Variants in PCNX3 observed in about 807,000 individuals in gnomAD.
The protein encoded by PCNX3 is pecanex 3.
PCNX3 carries 58 observed loss-of-function variants against 207.2 expected under a neutral mutation model. The ratio of observed to expected loss-of-function variants is 0.28; its 90% CI spans 0.23 to 0.35. PCNX3 has a LOEUF of 0.35. Ranked by LOEUF, PCNX3 falls within the 10% of genes least tolerant of loss-of-function variation. The pLI is 1.00. For missense variants in PCNX3, 2,410 were observed against 2,774.4 expected (o/e 0.87, Z 2.95); for synonymous variants, 1,337 against 1,183.5 (o/e 1.13, Z -2.66).
In PCNX3 at chr11:65,626,066, C is replaced by T; in HGVS notation, c.3379+12C>T. The T allele has an allele frequency of 6.3e-7, 1 of 1,589,598 alleles. No homozygotes were observed. The highest frequency in any genetic ancestry group is 8.6e-7 in the Non-Finnish European group (1 of 1,169,494). On this transcript the variant is annotated intron_variant, in intron 20 of 34. Transcript: ENST00000355703. ...GTATGAAGTGCGCGGTGAGTGCCCA[C>T]CCCTGATGGCCAGGCCTGGGCAGTG...
intron 1 of PCNX3, among the ~76,000 whole-genome samples, 178 bp from the exon 2 acceptor site, chr11:65,616,646 T>A (rs1170926163): frequency 1.3e-5 from 2 of 152,160 alleles, no homozygotes; most frequent in African/African-American, 4.8e-5. Context: ...ACCCTACACT[T>A]AATCTCATCC....
rs767457908 is a variant in PCNX3, at chr11:65,635,241, A to G, written c.4977A>G (p.Glu1659=). The part of the protein sequence containing the change: ...LHQDHFTSPD[E]YEEPAALYDA... The stretch of plus-strand genomic sequence containing the variant: ...AGGACCACTTCACGTCCCCAGATGA[A>G]TATGAGGAGCCAGCAGCCCTATACG... Residue 1659 remains glutamate, a synonymous_variant, in exon 31 of 35, where the codon GAA becomes GAG. Coordinates refer to ENST00000355703, the MANE Select transcript of PCNX3 (RefSeq NM_032223.4). The surrounding 1 kb of genome is among the most constrained non-coding windows in gnomAD (Gnocchi z 9.9). 3.2e-6 allele frequency: 5 copies of G among 1,586,716 alleles called. No homozygotes were observed. In the African/African-American group the frequency reaches 6.7e-5, roughly 21 times the overall value.
At position 65,625,482 on chromosome 11, in the gene PCNX3, C is replaced by T. The variant is rs563504559; in HGVS notation, c.3107C>T (p.Pro1036Leu). ...LETARAEPPD[P>L]LPDKMRQSVR... ...ACAGCCCGGGCCGAGCCCCCGGACC[C>T]CTTGCCGGACAAGATGCGCCAGTCG... The change falls in exon 18 of 35, where the codon CCC becomes CTC. Residue 1036 changes from proline to leucine, a missense_variant. Pro to Leu is a moderately conservative substitution (Grantham distance 98, BLOSUM62 -3). Coordinates refer to ENST00000355703, the MANE Select transcript of PCNX3 (RefSeq NM_032223.4). The surrounding 1 kb of genome is among the most constrained non-coding windows in gnomAD (Gnocchi z 5.6). The T allele has an allele frequency of 6.2e-5, 99 of 1,605,182 alleles. No homozygotes were observed. The highest frequency in any genetic ancestry group is 8.3e-5 in the Non-Finnish European group (98 of 1,178,984).
At chr11:65,634,726 G>A (rs1565172454) in intron 29 of PCNX3, 85 bp downstream of exon 29, 3 of 1,359,842 alleles carry the variant, frequency 2.2e-6, no homozygotes, top group East Asian at 5.0e-5. Context: ...TGGCCACAGT[G>A]GCCACAGAAA....
Position 65,618,834 on chromosome 11 carries a change from C to T in PCNX3, c.1472C>T (p.Thr491Met), listed in dbSNP as rs757197363. 220 of 1,610,940 alleles carry T rather than the reference C, an allele frequency of 1.4e-4. No individual in the cohort carries two copies. The highest frequency in any genetic ancestry group is 1.7e-4 in the Non-Finnish European group (201 of 1,179,208). Residue 491 changes from threonine (T) to methionine (M), a missense_variant, in exon 6 of 35, where the codon ACG becomes ATG. This residue lies in a region of PCNX3 where 1,104 missense variants were observed against 970.3 expected (regional missense o/e 1.14). Coordinates refer to ENST00000355703, the MANE Select transcript of PCNX3 (RefSeq NM_032223.4). ...AAGCGGCCATATGGGACCCAGCGGA[C>T]GCCTAGTACCGCCAGCGCTAAAACA... is the stretch of plus-strand genomic sequence containing the variant. ...PPKRPYGTQR[T>M]PSTASAKTHA...
Position 65,618,872 on chromosome 11 carries a change from C to T in PCNX3, c.1510C>T (p.Leu504=). 1 of 1,610,814 alleles carries T rather than the reference C, an allele frequency of 6.2e-7. No individual in the cohort carries two copies. Among genetic ancestry groups the T allele is most frequent in the Non-Finnish European group, 8.5e-7 (1 of 1,179,106 alleles). The change falls in exon 6 of 35, where the codon CTG becomes TTG. Residue 504 remains leucine, a synonymous_variant. Coordinates refer to ENST00000355703, the MANE Select transcript of PCNX3 (RefSeq NM_032223.4). The part of the protein sequence containing the change: ...TASAKTHARV[L]SMDGAGGDVL... ...CAGCGCTAAAACACATGCCCGTGTGCTGAGCATGGATGGGGCTGGGGGTGA... is the reference window on the plus strand; with the variant it reads ...CAGCGCTAAAACACATGCCCGTGTGTTGAGCATGGATGGGGCTGGGGGTGA...
chr11:65,627,308 G>C, intron 21 of PCNX3, 97 bp from the exon 22 acceptor site: 2 of 1,356,578 alleles, frequency 1.5e-6, no homozygotes, highest in Non-Finnish European at 2.0e-6. Context: ...GCAGAGGCCA[G>C]GGGTTGCTCT....
chr11:65,622,183 G>A lies in PCNX3; in HGVS notation c.2236-62G>A, dbSNP rs1450048531. The A allele has an allele frequency of 1.4e-5, 22 of 1,541,648 alleles. No homozygotes were observed. The African/African-American group carries it at 1.9e-4, about 13-fold the overall frequency. ...CCATGTGGGGGGTGGCGGGGCTGAC[G>A]GCCGCGGCTGTGGGGACTGCAGTTT... On this transcript the variant is annotated intron_variant, in intron 10 of 34. Transcript: ENST00000355703.
Position 65,635,461 on chromosome 11 carries a change from C to G in PCNX3, c.5184+13C>G. 1.2e-6 allele frequency: 2 copies of G among 1,608,438 alleles called. No individual in the cohort carries two copies. The highest frequency in any genetic ancestry group is 1.7e-6 in the Non-Finnish European group (2 of 1,178,698). ...CCGAGTCATCAAGGTTGGGCCGGCCCCACCTGCCCTAAGCCCTGCCCCAAA... is the reference window on the plus strand; with the variant it reads ...CCGAGTCATCAAGGTTGGGCCGGCCGCACCTGCCCTAAGCCCTGCCCCAAA... On this transcript the variant is annotated intron_variant, in intron 31 of 34. Coordinates refer to ENST00000355703, the MANE Select transcript of PCNX3 (RefSeq NM_032223.4). This position sits in a 1 kb window ranked among gnomAD's most constrained non-coding sequence, Gnocchi z 9.9.
chr11:65,630,266 T>A, intron 26 of PCNX3, 85 bp from the exon 27 acceptor site: 2 of 1,509,062 alleles, frequency 1.3e-6, no homozygotes, highest in Admixed American at 4.0e-5. Context: ...GCAGCAGGCC[T>A]CTGATGCCAT....
chr11:65,619,976 C>T (rs370346327), intron 8 of PCNX3, 44 bp downstream of exon 8: 13 of 1,541,376 alleles, frequency 8.4e-6, no homozygotes, highest in East Asian at 4.6e-5. Flanking sequence ...TCCCCGCCTT[C>T]CCCCAACAGC....
At chr11:65,616,538 C>T in intron 1 of PCNX3, 74 bp downstream of exon 1, 1 of 1,479,318 alleles carries the variant, frequency 6.8e-7, no homozygotes, top group Non-Finnish European at 9.1e-7. Context: ...GGGCAGTGCC[C>T]TGGGCTCTGG....
rs1335993947 is a variant in PCNX3, at chr11:65,626,885, T to G, written c.3380-19T>G. 6.3e-7 allele frequency: 1 copy of G among 1,575,602 alleles called. No individual in the cohort carries two copies. The highest frequency in any genetic ancestry group is 1.4e-5 in the African/African-American group (1 of 74,008). On this transcript the variant is annotated intron_variant, in intron 20 of 34. Coordinates refer to ENST00000355703, the MANE Select transcript of PCNX3 (RefSeq NM_032223.4). ...AGGCATGTGGAAGCCAGGTGCAGAG[T>G]CCTGGCCTCTCCACACAGGTGCCGC...
At chr11:65,619,414 C>T (rs1336161081) in intron 6 of PCNX3, 123 bp from the exon 7 acceptor site, 47 of 1,463,422 alleles carry the variant, frequency 3.2e-5, no homozygotes, top group Admixed American at 9.6e-5. Context: ...CTGGCTGGGC[C>T]TCAGAGCCGG....
chr11:65,627,040 C>T lies in PCNX3; in HGVS notation c.3516C>T (p.Tyr1172=), dbSNP rs929363110. The change falls in exon 21 of 35, where the codon TAC becomes TAT. Residue 1172 remains tyrosine, a synonymous_variant. Coordinates refer to ENST00000355703, the MANE Select transcript of PCNX3 (RefSeq NM_032223.4). ...CAGTCGTCAGCCACCCGGACAAGTA[C>T]TGCTTCTAGTGAGGACCACCCCACC... is the stretch of plus-strand genomic sequence containing the variant. ...AHTVVSHPDK[Y]CFYCRALLMT... The T allele has an allele frequency of 1.3e-6, 2 of 1,515,614 alleles. No homozygotes were observed. Among genetic ancestry groups the T allele is most frequent in the East Asian group, 2.5e-5 (1 of 40,446 alleles). 93.9% of individuals were successfully genotyped at this position (1,515,614 alleles called of 1,614,324 possible).
At position 65,620,012 on chromosome 11, in the gene PCNX3, G is replaced by A. The variant is rs143859144; in HGVS notation, c.2008+80G>A. On this transcript the variant is annotated intron_variant, in intron 8 of 34. Coordinates refer to ENST00000355703, the MANE Select transcript of PCNX3 (RefSeq NM_032223.4). ...CTGAGTCCTCCTAGCAGTGGTGCTC[G>A]CTCGGCCCTGTGGCAGGTACACTGC... The A allele has an allele frequency of 4.5e-5, 63 of 1,409,724 alleles. No individual in the cohort carries two copies. The African/African-American group carries it at 6.3e-4, about 14-fold the overall frequency. The allele number at this position is 1,409,724 out of a possible 1,614,324, so 87.3% of individuals were successfully genotyped here.
Position 65,620,359 on chromosome 11 carries a change from T to A in PCNX3, c.2029T>A (p.Phe677Ile). 6.2e-7 allele frequency: 1 copy of A among 1,613,446 alleles called. No homozygotes were observed. ...CCCAGGTGTGCGGCGTTCCTACACC[T>A]TTGGCCTGGCTGGAGGCGGCTACGA... The part of the protein sequence containing the change: ...DESGVRRSYT[F>I]GLAGGGYENP... Residue 677 changes from phenylalanine (F) to isoleucine (I), a missense_variant, in exon 9 of 35, where the codon TTT (phenylalanine) becomes ATT (isoleucine). By Grantham distance (21) the Phe-to-Ile change is conservative. Coordinates refer to ENST00000355703, the MANE Select transcript of PCNX3 (RefSeq NM_032223.4).
chr11:65,634,383 A>C (rs1343350724), intron 28 of PCNX3, 27 bp downstream of exon 28: 1 of 1,550,412 alleles, frequency 6.4e-7, no homozygotes, highest in Admixed American at 1.9e-5. Flanking sequence ...TGAGGCTGCC[A>C]CCTGGGGCTG....
intron 5 of PCNX3, 63 bp downstream of exon 5, chr11:65,617,769 C>G: frequency 6.5e-7 from 1 of 1,532,086 alleles, no homozygotes; most frequent in Non-Finnish European, 8.8e-7. Flanking sequence ...GTTGAATCCC[C>G]TCAACTTTGG....
Sources: allele counts gnomAD v4.1 joint callset (sites outside exome capture counted in the v4.1 genomes callset), GRCh38; gene constraint gnomAD v4.1.1; regional missense constraint gnomAD v4.1.1; non-coding constraint Gnocchi (gnomAD v3.1); transcripts MANE v1.5; gene names NCBI Gene and HGNC (gene_info 2026-07-23, HGNC 2026-07-21).